Variants in ROBO2 observed in about 807,000 individuals in gnomAD.
ROBO2 encodes roundabout guidance receptor 2, also known as roundabout homolog 2.
Under a neutral mutation model 160.8 loss-of-function variants are expected in ROBO2, and 53 were observed. The observed-to-expected ratio is 0.33, with a 90% CI of 0.26 to 0.41. The LOEUF is 0.41. Among genes scored for constraint, ROBO2 ranks in the 10% least tolerant of loss-of-function variants. ROBO2 has a pLI of 1.00. For synonymous variants in ROBO2, 664 were observed against 611.7 expected (o/e 1.09, Z -1.26); for missense variants, 1,577 against 1,722.4 (o/e 0.92, Z 1.49).
chr3:76,582,711 T>C (rs2085778177), intron 2 of ROBO2, among the ~76,000 whole-genome samples: 1 of 152,144 alleles, frequency 6.6e-6, no homozygotes, highest in African/African-American at 2.4e-5. Context: ...CTTATAATAA[T>C]AGTGTTGGTG....
chr3:76,239,825 A>G (rs556702283), intron 2 of ROBO2, among the ~76,000 whole-genome samples: 1 of 152,320 alleles, frequency 6.6e-6, no homozygotes, highest in South Asian at 2.1e-4. Context: ...GCTCCTGTGC[A>G]AAGTGCCAGC....
intron 2 of ROBO2, among the ~76,000 whole-genome samples, chr3:76,639,192 A>G (rs1455519293): frequency 1.3e-5 from 2 of 152,072 alleles, no homozygotes; most frequent in Non-Finnish European, 2.9e-5. Context: ...ATACATGTGT[A>G]TATGTATCTA....
At chr3:77,140,491 C>G (rs1388318278) in intron 2 of ROBO2, among the ~76,000 whole-genome samples, 1 of 152,146 alleles carries the variant, frequency 6.6e-6, no homozygotes, top group African/African-American at 2.4e-5. Flanking sequence ...TAATACCTCC[C>G]AGTATCCCTA....
At chr3:76,553,919 G>A (rs2083560562) in intron 2 of ROBO2, among the ~76,000 whole-genome samples, 4 of 152,190 alleles carry the variant, frequency 2.6e-5, no homozygotes, top group Non-Finnish European at 5.9e-5. Context: ...CAGTGGAGTA[G>A]CAGAGGCAAT....
At chr3:76,190,573 A>G (rs942584778) in intron 2 of ROBO2, among the ~76,000 whole-genome samples, 6 of 152,146 alleles carry the variant, frequency 3.9e-5, no homozygotes, top group African/African-American at 1.4e-4. Flanking sequence ...GCTTAGACAT[A>G]TAACTTTAAA....
intron 2 of ROBO2, among the ~76,000 whole-genome samples, chr3:77,433,486 GTATATATATATATA>G (rs57475227): frequency 6.0e-5 from 6 of 99,402 alleles, no homozygotes; most frequent in African/African-American, 1.1e-4. Flanking sequence ...CTGGCAACTT[GTATATATATATATA>G]TATATATATA....
At chr3:76,573,309 C>A (rs1220563181) in intron 2 of ROBO2, among the ~76,000 whole-genome samples, 1 of 151,918 alleles carries the variant, frequency 6.6e-6, no homozygotes, top group East Asian at 1.9e-4. Context: ...TTTAATAAAT[C>A]AATTTTAAAA....
chr3:76,832,227 A>T (rs1251258621), intron 2 of ROBO2, among the ~76,000 whole-genome samples: 1 of 152,212 alleles, frequency 6.6e-6, no homozygotes, highest in Admixed American at 6.6e-5. Flanking sequence ...AGAAAGTAAA[A>T]ACTTATTGAA....
chr3:77,218,855 A>G (rs1471371422), intron 2 of ROBO2, among the ~76,000 whole-genome samples: 1 of 152,210 alleles, frequency 6.6e-6, no homozygotes, highest in Non-Finnish European at 1.5e-5. Context: ...GACACTCTAC[A>G]TCCAGAATCC....
At chr3:77,365,011 G>T (rs1399499606) in intron 2 of ROBO2, among the ~76,000 whole-genome samples, 2 of 151,924 alleles carry the variant, frequency 1.3e-5, no homozygotes, top group Non-Finnish European at 2.9e-5. Flanking sequence ...AAGGCATGGT[G>T]GTGCATGCCT....
At chr3:76,821,680 AG>A (rs148779754) in intron 2 of ROBO2, among the ~76,000 whole-genome samples, 3,688 of 152,114 alleles carry the variant, frequency 0.024, 62 homozygotes, top group Middle Eastern at 0.041. Context: ...CCAAAATTAA[AG>A]GGAGGCATTC....
intron 2 of ROBO2, among the ~76,000 whole-genome samples, chr3:76,450,716 C>G (rs945703417): frequency 6.6e-6 from 1 of 152,096 alleles, no homozygotes; most frequent in Non-Finnish European, 1.5e-5. Context: ...TTGAGTTATT[C>G]TGTTAATGAA....
chr3:77,293,760 C>A (rs2061628637), intron 2 of ROBO2, among the ~76,000 whole-genome samples: 3 of 139,546 alleles, frequency 2.1e-5, no homozygotes, highest in East Asian at 4.1e-4. Flanking sequence ...TAGATCACCC[C>A]AGACATAAAG....
intron 2 of ROBO2, among the ~76,000 whole-genome samples, chr3:76,150,705 C>T (rs895736656): frequency 6.6e-6 from 1 of 152,150 alleles, no homozygotes; most frequent in Admixed American, 6.6e-5. Flanking sequence ...TGCTAAAATA[C>T]CACTTCATCC....
chr3:76,902,806 A>T (rs2075326261), intron 2 of ROBO2, among the ~76,000 whole-genome samples: 1 of 152,026 alleles, frequency 6.6e-6, no homozygotes, highest in African/African-American at 2.4e-5. Flanking sequence ...TCCTATCGTA[A>T]GGAGATTGGT....
At chr3:76,555,056 G>A (rs1030095889) in intron 2 of ROBO2, among the ~76,000 whole-genome samples, 1 of 151,786 alleles carries the variant, frequency 6.6e-6, no homozygotes. Flanking sequence ...TTGTTTTATA[G>A]AAAGTCTTTA....
At chr3:76,425,023 G>T (rs1238240205) in intron 2 of ROBO2, among the ~76,000 whole-genome samples, 1 of 152,008 alleles carries the variant, frequency 6.6e-6, no homozygotes, top group African/African-American at 2.4e-5. Context: ...TAATAACACA[G>T]CCTAGATCCT....
chr3:77,252,946 A>T (rs182797453), intron 2 of ROBO2, among the ~76,000 whole-genome samples: 1 of 150,146 alleles, frequency 6.7e-6, no homozygotes, highest in Non-Finnish European at 1.5e-5. Context: ...TTGTATGGCT[A>T]GCTGTACTAA....
chr3:77,615,080 T>C (rs2094739841), intron 21 of ROBO2, among the ~76,000 whole-genome samples: 1 of 152,224 alleles, frequency 6.6e-6, no homozygotes, highest in African/African-American at 2.4e-5. Context: ...GCATCACTGA[T>C]TATTTGTTTA....
Sources: allele counts gnomAD v4.1 joint callset (sites outside exome capture counted in the v4.1 genomes callset), GRCh38; gene constraint gnomAD v4.1.1; transcripts MANE v1.5; gene names NCBI Gene and HGNC (gene_info 2026-07-23, HGNC 2026-07-21).